ADAMTS12: variants seen among roughly 807,000 people sequenced by gnomAD.
The protein encoded by ADAMTS12 is A disintegrin and metalloproteinase with thrombospondin motifs 12.
ADAMTS12 carries 118 observed loss-of-function variants against 167.8 expected under a neutral mutation model. That is an observed-to-expected ratio of 0.70 (90% CI 0.61 to 0.82). The LOEUF (loss-of-function observed/expected upper bound fraction) is 0.82, where lower values mean the gene tolerates loss of function less well. ADAMTS12 is among the 40% of genes least tolerant of loss of function. The probability of loss-of-function intolerance (pLI) is 0.00; values close to 1 mark genes in which losing one functional copy is unlikely to be tolerated. For missense variants in ADAMTS12, 1,916 were observed against 1,998.8 expected (o/e 0.96, Z 0.79); for synonymous variants, 704 against 716.9 (o/e 0.98, Z 0.29).
chr5:33,744,925 T>C (rs1324588161), intron 3 of ADAMTS12, among the ~76,000 whole-genome samples: 3 of 152,206 alleles, frequency 2.0e-5, no homozygotes, highest in Admixed American at 6.5e-5. Context: ...GCAATCCTTC[T>C]GCCTCAGCCT....
Position 33,534,837 on chromosome 5 carries a change from A to C in ADAMTS12, c.4602T>G (p.Ser1534Arg). Reference sequence around the variant, plus strand: ...CGAGCAAACCCATTCACCCACCGGCACTTTTCTTGCAGGCCTGCTGGTTGC... The same window carrying C: ...CGAGCAAACCCATTCACCCACCGGCCCTTTTCTTGCAGGCCTGCTGGTTGC... ...KKCNQQACKK[S>R]ADLLCTKDKL... Residue 1534 changes from serine to arginine, a missense_variant, in exon 23 of 24, where the codon AGT (serine) becomes AGG (arginine). Physicochemically the swap from Ser to Arg is moderately radical, Grantham distance 110. Transcript: ENST00000504830. 6.2e-7 allele frequency: 1 copy of C among 1,612,082 alleles called. No homozygotes were observed. Among genetic ancestry groups the C allele is most frequent in the Non-Finnish European group, 8.5e-7 (1 of 1,179,378 alleles).
intron 22 of ADAMTS12, among the ~76,000 whole-genome samples, chr5:33,535,742 T>G (rs1200793737): frequency 6.6e-6 from 1 of 152,062 alleles, no homozygotes; most frequent in Non-Finnish European, 1.5e-5. Context: ...TAATTTTGAT[T>G]TGGGGCTGGG....
intron 16 of ADAMTS12, among the ~76,000 whole-genome samples, chr5:33,607,215 C>T (rs6873390): frequency 0.61 from 87,701 of 143,424 alleles, 25,609 homozygotes; most frequent in East Asian, 0.82. Context: ...CTGTGACAGG[C>T]CCAATGCAAT....
intron 5 of ADAMTS12, among the ~76,000 whole-genome samples, chr5:33,676,788 G>A (rs777078455): frequency 4.6e-5 from 7 of 151,784 alleles, no homozygotes; most frequent in Non-Finnish European, 1.0e-4. Flanking sequence ...GAACAATACA[G>A]ACCCACACAT....
chr5:33,847,577 C>T (rs913732665), intron 2 of ADAMTS12, among the ~76,000 whole-genome samples: 3 of 151,580 alleles, frequency 2.0e-5, no homozygotes, highest in African/African-American at 4.9e-5. Flanking sequence ...GAGCCGAGAT[C>T]GCGCCATTGC....
At chr5:33,733,174 TA>T (rs1744249564) in intron 3 of ADAMTS12, among the ~76,000 whole-genome samples, 6 of 148,504 alleles carry the variant, frequency 4.0e-5, no homozygotes, top group South Asian at 2.1e-4. Flanking sequence ...ATTTTCCCAG[TA>T]AAAAAAATAT....
chr5:33,747,039 T>C (rs551256233), intron 3 of ADAMTS12, among the ~76,000 whole-genome samples: 1 of 152,308 alleles, frequency 6.6e-6, no homozygotes, highest in Non-Finnish European at 1.5e-5. Context: ...TCCTACTGGT[T>C]GTTCTTATCT....
At chr5:33,630,719 T>G in intron 13 of ADAMTS12, 61 bp downstream of exon 13, 9 of 1,557,576 alleles carry the variant, frequency 5.8e-6, no homozygotes, top group Non-Finnish European at 7.9e-6. Context: ...ACATCTGACT[T>G]CCCAAATTAG....
chr5:33,822,840 C>A (rs1052471520), intron 2 of ADAMTS12, among the ~76,000 whole-genome samples: 3 of 152,108 alleles, frequency 2.0e-5, no homozygotes, highest in Non-Finnish European at 2.9e-5. Flanking sequence ...GTAATCCCAG[C>A]ACTTTGGGGG....
chr5:33,616,266 A>C (rs1739009501), intron 14 of ADAMTS12, among the ~76,000 whole-genome samples, 194 bp from the exon 15 acceptor site: 1 of 152,164 alleles, frequency 6.6e-6, no homozygotes, highest in Admixed American at 6.5e-5. Context: ...AATTCTCAGG[A>C]GTTTTGTGAC....
At chr5:33,881,072 C>T in intron 2 of ADAMTS12, 47 bp downstream of exon 2, 2 of 1,587,942 alleles carry the variant, frequency 1.3e-6, no homozygotes, top group Non-Finnish European at 1.7e-6. Context: ...CCAGCTGAGA[C>T]TCTAGGGGCC....
At chr5:33,728,949 T>C (rs1720590134) in intron 3 of ADAMTS12, among the ~76,000 whole-genome samples, 1 of 152,252 alleles carries the variant, frequency 6.6e-6, no homozygotes, top group Admixed American at 6.5e-5. Context: ...ATATATCATA[T>C]GCATATATGT....
chr5:33,540,074 T>G (rs1024862809), intron 22 of ADAMTS12, among the ~76,000 whole-genome samples: 1 of 152,226 alleles, frequency 6.6e-6, no homozygotes, highest in Non-Finnish European at 1.5e-5. Context: ...CATGACAGAC[T>G]GTACCTGGAA....
chr5:33,706,854 A>G (rs996264266), intron 3 of ADAMTS12, among the ~76,000 whole-genome samples: 2 of 152,210 alleles, frequency 1.3e-5, no homozygotes, highest in African/African-American at 4.8e-5. Flanking sequence ...ATCATACTGA[A>G]TGGGCAAAAG....
intron 2 of ADAMTS12, among the ~76,000 whole-genome samples, chr5:33,824,738 C>T (rs769488784): frequency 7.9e-5 from 12 of 152,120 alleles, no homozygotes; most frequent in Non-Finnish European, 1.2e-4. Flanking sequence ...CAGTGTTCAC[C>T]TTCCCATTTC....
At chr5:33,533,828 A>C (rs1042354704) in intron 23 of ADAMTS12, among the ~76,000 whole-genome samples, 2 of 152,072 alleles carry the variant, frequency 1.3e-5, no homozygotes, top group African/African-American at 4.8e-5. Flanking sequence ...GACAGAACTC[A>C]CTATCTTCCC....
chr5:33,849,821 T>C (rs1749153870), intron 2 of ADAMTS12, among the ~76,000 whole-genome samples: 1 of 150,286 alleles, frequency 6.7e-6, no homozygotes, highest in Non-Finnish European at 1.5e-5. Context: ...ATATATACAT[T>C]GTATCAATAT....
intron 1 of ADAMTS12, chr5:33,888,261 GGTTT>G (rs1750710283): frequency 1.3e-5 from 2 of 152,050 alleles, no homozygotes; most frequent in Admixed American, 1.3e-4. Flanking sequence ...CTGTAATAGA[GGTTT>G]ATTTTCATAA....
At chr5:33,651,590 T>C (rs1740869369) in intron 7 of ADAMTS12, among the ~76,000 whole-genome samples, 1 of 152,222 alleles carries the variant, frequency 6.6e-6, no homozygotes, top group South Asian at 2.1e-4. Flanking sequence ...CACAGCTAAT[T>C]AGAATTATAC....
Sources: gnomAD v4.1 joint callset for allele counts (sites outside exome capture counted in the v4.1 genomes callset) on GRCh38, gnomAD v4.1.1 for gene constraint, MANE v1.5 for transcripts, NCBI Gene and HGNC (gene_info 2026-07-23, HGNC 2026-07-21) for gene names.